Variants in HELZ observed in about 807,000 individuals in gnomAD.
HELZ encodes the protein helicase with zinc finger.
HELZ carries 23 observed loss-of-function variants against 218.2 expected under a neutral mutation model. That is an observed-to-expected ratio of 0.11 (90% CI 0.08 to 0.15). The LOEUF (loss-of-function observed/expected upper bound fraction) is 0.15. Among genes scored for constraint, HELZ ranks in the 10% least tolerant of loss-of-function variants. The pLI is 1.00. For synonymous variants in HELZ, 814 were observed against 829.4 expected (o/e 0.98, Z 0.32); for missense variants, 1,813 against 2,353.7 (o/e 0.77, Z 4.75).
chr17:67,096,447 C>A (rs1389988513), intron 31 of HELZ, among the ~76,000 whole-genome samples: 2 of 152,228 alleles, frequency 1.3e-5, no homozygotes, highest in Admixed American at 6.5e-5. Flanking sequence ...ACAGCATCTT[C>A]TTCCAATAAG....
chr17:67,192,283 C>A (rs553554568), intron 9 of HELZ, among the ~76,000 whole-genome samples: 1 of 152,068 alleles, frequency 6.6e-6, no homozygotes, highest in East Asian at 1.9e-4. Context: ...ATATTACAGA[C>A]CATTTTTCAA....
intron 27 of HELZ, among the ~76,000 whole-genome samples, chr17:67,118,194 A>G (rs1215775251): frequency 6.6e-6 from 1 of 152,258 alleles, no homozygotes; most frequent in African/African-American, 2.4e-5. Flanking sequence ...GCATTAATAA[A>G]AAGTATCCAC....
intron 5 of HELZ, among the ~76,000 whole-genome samples, chr17:67,210,619 T>G (rs2040425181): frequency 6.6e-6 from 1 of 152,162 alleles, no homozygotes; most frequent in Admixed American, 6.5e-5. Context: ...TTTACCTCAT[T>G]CATTTTTTTA....
At chr17:67,156,960 G>A (rs2038861069) in intron 17 of HELZ, among the ~76,000 whole-genome samples, 1 of 152,080 alleles carries the variant, frequency 6.6e-6, no homozygotes. Flanking sequence ...GAAGGGCTTG[G>A]GCCATCCCCT....
chr17:67,104,390 G>C (rs1429727540), intron 31 of HELZ, among the ~76,000 whole-genome samples: 7 of 148,148 alleles, frequency 4.7e-5, no homozygotes, highest in Non-Finnish European at 8.9e-5. Flanking sequence ...AGTGAGCCGA[G>C]ATGGCGCCAC....
At chr17:67,194,973 G>A (rs2039986699) in intron 8 of HELZ, among the ~76,000 whole-genome samples, 1 of 152,150 alleles carries the variant, frequency 6.6e-6, no homozygotes, top group Non-Finnish European at 1.5e-5. Context: ...GCATTCAGCA[G>A]GCACTCAATG....
At position 67,245,194 on chromosome 17, in the gene HELZ, C is replaced by T. The variant is rs1341785302; in HGVS notation, c.-178G>A. 28 of 985,466 alleles carry T rather than the reference C, an allele frequency of 2.8e-5. No homozygotes were observed. The highest frequency in any genetic ancestry group is 3.1e-5 in the Non-Finnish European group (26 of 829,920). 61.0% of individuals were successfully genotyped at this position (985,466 alleles called of 1,614,324 possible). Reference sequence around the variant, plus strand: ...TCTTGGATCCACTTGTCAACGTCCCCACAAAGCATTATGGGTAAGAAAGAG... The same window carrying T: ...TCTTGGATCCACTTGTCAACGTCCCTACAAAGCATTATGGGTAAGAAAGAG... On this transcript the variant is annotated 5_prime_UTR_variant, in exon 1 of 33. Coordinates refer to ENST00000358691, the MANE Select transcript of HELZ (RefSeq NM_014877.4).
At chr17:67,148,046 A>G (rs377089352) in intron 20 of HELZ, among the ~76,000 whole-genome samples, 1 of 152,214 alleles carries the variant, frequency 6.6e-6, no homozygotes, top group African/African-American at 2.4e-5. Context: ...ACTCCAGCAA[A>G]TTAAGTGAAC....
intron 3 of HELZ, among the ~76,000 whole-genome samples, chr17:67,221,458 A>C (rs142307947): frequency 4.3e-4 from 66 of 152,352 alleles, no homozygotes; most frequent in African/African-American, 1.5e-3. Context: ...GCCCACATCC[A>C]GACCAATAAT....
At chr17:67,121,968 A>T (rs938463366) in intron 26 of HELZ, among the ~76,000 whole-genome samples, 25 of 152,362 alleles carry the variant, frequency 1.6e-4, no homozygotes, top group African/African-American at 6.0e-4. Flanking sequence ...AAATGAGACC[A>T]ATTCATTAGC....
intron 13 of HELZ, chr17:67,172,951 C>T: frequency 1.8e-6 from 1 of 562,084 alleles, no homozygotes; most frequent in Non-Finnish European, 2.3e-6. Context: ...TTGAGAATCA[C>T]CATCCCAAAA....
At chr17:67,177,751 AT>A (rs1215794582) in intron 13 of HELZ, among the ~76,000 whole-genome samples, 1 of 152,090 alleles carries the variant, frequency 6.6e-6, no homozygotes, top group Non-Finnish European at 1.5e-5. Flanking sequence ...CATGTATTTA[AT>A]TTGAAATTAG....
intron 27 of HELZ, 133 bp from the exon 28 acceptor site, chr17:67,114,536 T>G: frequency 3.6e-6 from 2 of 548,460 alleles, no homozygotes; most frequent in Non-Finnish European, 6.4e-6. Context: ...TATGACTACT[T>G]GGGTTTTGTT....
intron 4 of HELZ, among the ~76,000 whole-genome samples, chr17:67,218,145 G>A (rs1158219592): frequency 6.6e-6 from 1 of 152,038 alleles, no homozygotes; most frequent in Non-Finnish European, 1.5e-5. Flanking sequence ...ATGTTGGTTA[G>A]GCCAACTCAA....
At chr17:67,213,274 G>A (rs1270828638) in intron 5 of HELZ, among the ~76,000 whole-genome samples, 1 of 152,054 alleles carries the variant, frequency 6.6e-6, no homozygotes, top group Non-Finnish European at 1.5e-5. Flanking sequence ...ACAGAGACTG[G>A]GCAGTCTCGT....
chr17:67,181,015 T>C (rs1284650090), intron 12 of HELZ, among the ~76,000 whole-genome samples: 1 of 151,900 alleles, frequency 6.6e-6, no homozygotes, highest in African/African-American at 2.4e-5. Context: ...ATCGCGCCAC[T>C]GCACTCCAGC....
At chr17:67,173,449 C>A (rs1195105648) in intron 13 of HELZ, among the ~76,000 whole-genome samples, 5 of 152,024 alleles carry the variant, frequency 3.3e-5, no homozygotes. Flanking sequence ...AGAATTACAG[C>A]CAACTGAACA....
chr17:67,244,467 C>A (rs577859364), intron 1 of HELZ: 1 of 338,600 alleles, frequency 3.0e-6, no homozygotes, highest in Non-Finnish European at 4.2e-6. Flanking sequence ...AGACTGCAGT[C>A]TGTGAGCCCT....
chr17:67,203,841 C>T (rs1309039308), intron 5 of HELZ, among the ~76,000 whole-genome samples: 1 of 152,164 alleles, frequency 6.6e-6, no homozygotes, highest in Non-Finnish European at 1.5e-5. Flanking sequence ...ACAGAAACTA[C>T]AAATCTCACC....
Sources: gnomAD v4.1 joint callset for allele counts (sites outside exome capture counted in the v4.1 genomes callset) on GRCh38, gnomAD v4.1.1 for gene constraint, MANE v1.5 for transcripts, NCBI Gene and HGNC (gene_info 2026-07-23, HGNC 2026-07-21) for gene names.